Variants in CCDC170 observed in about 807,000 individuals in gnomAD.
CCDC170 encodes coiled-coil domain-containing protein 170.
CCDC170 carries 69 observed loss-of-function variants against 72.6 expected under a neutral mutation model. That is an observed-to-expected ratio of 0.95 (90% CI 0.78 to 1.16). CCDC170 has a LOEUF of 1.16. Among genes scored for constraint, CCDC170 ranks in the 50% most tolerant of loss-of-function variants. The pLI is 0.00. For missense variants in CCDC170, 852 were observed against 832.5 expected, an observed-to-expected ratio of 1.02 and a Z score of -0.29; for synonymous variants, 300 against 303.9, an observed-to-expected ratio of 0.99 and a Z score of 0.13.
At chr6:151,545,039 C>G (rs2115055121) in intron 4 of CCDC170, among the ~76,000 whole-genome samples, 1 of 152,046 alleles carries the variant, frequency 6.6e-6, no homozygotes, top group African/African-American at 2.4e-5. Context: ...TAGTTACAGC[C>G]AGACATATAC....
At chr6:151,565,153 C>T (rs113284992) in intron 5 of CCDC170, among the ~76,000 whole-genome samples, 1 of 152,126 alleles carries the variant, frequency 6.6e-6, no homozygotes. Context: ...GAAGCAGCAG[C>T]TGCAGGTGGG....
chr6:151,603,744 A>G (rs1053072016), intron 9 of CCDC170, among the ~76,000 whole-genome samples: 1 of 152,136 alleles, frequency 6.6e-6, no homozygotes, highest in Non-Finnish European at 1.5e-5. Flanking sequence ...TTAGTCCTCA[A>G]TGCCATCTTT....
At chr6:151,528,891 CT>C (rs1292319911) in intron 1 of CCDC170, among the ~76,000 whole-genome samples, 1 of 151,708 alleles carries the variant, frequency 6.6e-6, no homozygotes, top group Non-Finnish European at 1.5e-5. Context: ...AAAAGTCTAC[CT>C]TACAACCAAA....
chr6:151,501,443 G>A (rs986208772), intron 1 of CCDC170, among the ~76,000 whole-genome samples: 3 of 152,152 alleles, frequency 2.0e-5, no homozygotes, highest in African/African-American at 7.2e-5. Flanking sequence ...GGGGAAGCTG[G>A]CTAGAGGGCA....
intron 1 of CCDC170, among the ~76,000 whole-genome samples, chr6:151,498,483 A>G (rs1329153827): frequency 6.6e-6 from 1 of 152,242 alleles, no homozygotes; most frequent in African/African-American, 2.4e-5. Flanking sequence ...ATTGTTGTGC[A>G]ACTGTTGCCA....
chr6:151,583,663 G>T (rs1776410471), intron 6 of CCDC170, among the ~76,000 whole-genome samples: 1 of 151,918 alleles, frequency 6.6e-6, no homozygotes, highest in East Asian at 2.0e-4. Flanking sequence ...TCGCCATGTT[G>T]GCCAGGCTGG....
At chr6:151,500,504 T>A (rs1781979533) in intron 1 of CCDC170, among the ~76,000 whole-genome samples, 1 of 151,838 alleles carries the variant, frequency 6.6e-6, no homozygotes, top group African/African-American at 2.4e-5. Flanking sequence ...CATATTGCAT[T>A]AAAAAAATCT....
chr6:151,518,978 C>T (rs750487923), intron 1 of CCDC170, among the ~76,000 whole-genome samples: 5 of 152,074 alleles, frequency 3.3e-5, no homozygotes, highest in Admixed American at 6.6e-5. Flanking sequence ...AGGCAAAGGG[C>T]GAAATCAAAA....
intron 5 of CCDC170, among the ~76,000 whole-genome samples, chr6:151,572,162 T>C (rs903112825): frequency 6.6e-6 from 1 of 152,152 alleles, no homozygotes; most frequent in Non-Finnish European, 1.5e-5. Context: ...CCATATTATA[T>C]TCTTTAAGAT....
At chr6:151,583,151 C>T (rs1195818080) in intron 6 of CCDC170, among the ~76,000 whole-genome samples, 1 of 151,322 alleles carries the variant, frequency 6.6e-6, no homozygotes, top group Admixed American at 6.6e-5. Flanking sequence ...TGCCACCACG[C>T]CTGGCTAATT....
At chr6:151,574,382 G>T (rs1186891027) in intron 6 of CCDC170, among the ~76,000 whole-genome samples, 3 of 152,180 alleles carry the variant, frequency 2.0e-5, no homozygotes, top group Admixed American at 1.3e-4. Flanking sequence ...GCTTGGGTAG[G>T]TTCTTGAGTT....
At chr6:151,557,622 C>G (rs1366648709) in intron 5 of CCDC170, among the ~76,000 whole-genome samples, 1 of 152,038 alleles carries the variant, frequency 6.6e-6, no homozygotes, top group African/African-American at 2.4e-5. Flanking sequence ...ATACTGTGTT[C>G]CATAGTGGCC....
chr6:151,496,696 G>T (rs1165460042), intron 1 of CCDC170, among the ~76,000 whole-genome samples: 1 of 152,188 alleles, frequency 6.6e-6, no homozygotes. Context: ...TTCTGGAAAA[G>T]TAAAATACTG....
intron 1 of CCDC170, among the ~76,000 whole-genome samples, chr6:151,533,188 G>A (rs1246924130): frequency 6.6e-6 from 1 of 151,552 alleles, no homozygotes; most frequent in Admixed American, 6.6e-5. Flanking sequence ...CGAGTAGCTG[G>A]GACTACAGGC....
At chr6:151,596,313 A>T (rs1190318456) in intron 8 of CCDC170, 22 bp from the exon 9 acceptor site, 2 of 1,571,454 alleles carry the variant, frequency 1.3e-6, no homozygotes, top group East Asian at 2.2e-5. Flanking sequence ...TAAAAAAAAA[A>T]TCCCTGTTTG....
chr6:151,613,955 A>T (rs1164473529), intron 9 of CCDC170, among the ~76,000 whole-genome samples: 1 of 152,208 alleles, frequency 6.6e-6, no homozygotes, highest in Non-Finnish European at 1.5e-5. Flanking sequence ...CATACCTACC[A>T]GTAGTGTATG....
At chr6:151,603,237 G>A (rs541553904) in intron 9 of CCDC170, among the ~76,000 whole-genome samples, 1 of 152,282 alleles carries the variant, frequency 6.6e-6, no homozygotes, top group Non-Finnish European at 1.5e-5. Flanking sequence ...TATCTTTTGA[G>A]TTTGGCATGT....
chr6:151,599,374 G>C (rs1257024672), intron 9 of CCDC170, among the ~76,000 whole-genome samples: 1 of 152,158 alleles, frequency 6.6e-6, no homozygotes, highest in Non-Finnish European at 1.5e-5. Context: ...TGCTGTCATG[G>C]TATTTGGTAC....
At chr6:151,561,010 A>T (rs915982506) in intron 5 of CCDC170, among the ~76,000 whole-genome samples, 2 of 151,620 alleles carry the variant, frequency 1.3e-5, no homozygotes, top group African/African-American at 2.4e-5. Context: ...GTTGTTAACT[A>T]GTTGCTTTGT....
Sources: gnomAD v4.1 joint callset for allele counts (sites outside exome capture counted in the v4.1 genomes callset) on GRCh38, gnomAD v4.1.1 for gene constraint, MANE v1.5 for transcripts, NCBI Gene and HGNC (gene_info 2026-07-23, HGNC 2026-07-21) for gene names.